Variants in POLR1C observed in about 807,000 individuals in gnomAD.
POLR1C encodes the protein RNA polymerase I and III subunit C.
POLR1C carries 42 observed loss-of-function variants against 38.3 expected under a neutral mutation model. That is an observed-to-expected ratio of 1.10 (90% CI 0.86 to 1.42). The LOEUF (loss-of-function observed/expected upper bound fraction) is 1.42. Ranked by LOEUF, POLR1C falls within the 40% of genes most tolerant of loss-of-function variation. The pLI is 0.00. For missense variants in POLR1C, 507 were observed against 450.5 expected (o/e 1.13, Z -1.14); for synonymous variants, 163 against 163.9 (o/e 0.99, Z 0.04).
intron 10 of POLR1C, chr6:43,551,189 G>A (rs1446542836): frequency 8.4e-7 from 1 of 1,193,060 alleles, no homozygotes; most frequent in African/African-American, 1.6e-5. Context: ...CTAGTAATTT[G>A]AGTCCAGCCT....
chr6:43,524,105 C>G, downstream of POLR1C: 3 of 1,494,152 alleles, frequency 2.0e-6, no homozygotes, highest in Non-Finnish European at 2.7e-6. Context: ...AATCCCAACA[C>G]TTTTGGGAGG....
chr6:43,530,695 G>A, downstream of POLR1C: 2 of 1,613,618 alleles, frequency 1.2e-6, no homozygotes, highest in African/African-American at 1.3e-5. Context: ...TATGAAGCAT[G>A]GGTCTGAGTC....
chr6:43,519,300 A>C, intron 2 of POLR1C, 33 bp from the exon 3 acceptor site: 3 of 1,298,436 alleles, frequency 2.3e-6, no homozygotes, highest in Non-Finnish European at 3.4e-6. Flanking sequence ...CAGAGAGCAG[A>C]TTTCACTTAA....
chr6:43,538,451 A>G (rs755788768), intron 9 of POLR1C, among the ~76,000 whole-genome samples: 5 of 152,072 alleles, frequency 3.3e-5, no homozygotes, highest in Non-Finnish European at 2.9e-5. Context: ...CGCTAAGCCT[A>G]ATTTAGTGAC....
At chr6:43,534,310 CAGG>C (rs1794180577), downstream of POLR1C, among the ~76,000 whole-genome samples, 1 of 152,144 alleles carries the variant, frequency 6.6e-6, no homozygotes, top group Admixed American at 6.5e-5. Flanking sequence ...GAGGTGGTCC[CAGG>C]AGTTTTTTGA....
At chr6:43,545,403 G>C (rs889618739) in intron 9 of POLR1C, among the ~76,000 whole-genome samples, 5 of 151,964 alleles carry the variant, frequency 3.3e-5, no homozygotes, top group Admixed American at 6.6e-5. Flanking sequence ...CTCTAACAAT[G>C]TAATTTAAAC....
chr6:43,525,116 G>T (rs760786709), downstream of POLR1C: 2 of 1,575,186 alleles, frequency 1.3e-6, no homozygotes. Context: ...CTTGTTTGAG[G>T]AGAGGCCAGC....
intron 10 of POLR1C, among the ~76,000 whole-genome samples, chr6:43,557,870 C>T (rs1762186774): frequency 6.7e-6 from 1 of 148,982 alleles, no homozygotes; most frequent in Admixed American, 6.7e-5. Context: ...CTGAGGCGGG[C>T]AGATGACCTG....
intron 9 of POLR1C, among the ~76,000 whole-genome samples, chr6:43,534,960 A>G (rs1226543730): frequency 6.6e-6 from 1 of 151,562 alleles, no homozygotes; most frequent in Non-Finnish European, 1.5e-5. Flanking sequence ...ATACCACTGC[A>G]CTCCAGCCTG....
intron 9 of POLR1C, chr6:43,549,491 G>A: frequency 6.2e-7 from 1 of 1,608,560 alleles, no homozygotes; most frequent in South Asian, 1.1e-5. Context: ...CAGCTTACCA[G>A]CACAAGCTGG....
chr6:43,555,958 C>T, intron 10 of POLR1C: 1 of 1,613,392 alleles, frequency 6.2e-7, no homozygotes, highest in Non-Finnish European at 8.5e-7. Flanking sequence ...TTGTTGTGCT[C>T]GGGAGGCTGC....
chr6:43,561,254 C>T, intron 10 of POLR1C: 1 of 408,128 alleles, frequency 2.5e-6, no homozygotes, highest in Non-Finnish European at 4.4e-6. Flanking sequence ...TGTGGTCAAA[C>T]AGTAAAATAA....
chr6:43,562,189 T>G (rs1006589984), exon 11 of POLR1C: 76 of 1,420,344 alleles, frequency 5.4e-5, no homozygotes, highest in Non-Finnish European at 7.1e-5. Context: ...AAACATAAGT[T>G]TCTAAATGCT....
intron 8 of POLR1C, chr6:43,528,262 A>G (rs1582196392): frequency 1.1e-5 from 16 of 1,514,440 alleles, no homozygotes; most frequent in Non-Finnish European, 1.4e-5. Context: ...GGAACACATA[A>G]TATCTAAAGT....
chr6:43,543,936 C>CA (rs1794839293), intron 9 of POLR1C, among the ~76,000 whole-genome samples: 1 of 152,198 alleles, frequency 6.6e-6, no homozygotes, highest in Non-Finnish European at 1.5e-5. Context: ...CTTGGCCTCT[C>CA]ACAGTGCTGG....
At chr6:43,548,421 G>C (rs1427414359) in intron 9 of POLR1C, 1 of 1,604,434 alleles carries the variant, frequency 6.2e-7, no homozygotes, top group Non-Finnish European at 8.5e-7. Flanking sequence ...TCATTGGAGA[G>C]GAGTTGCTTC....
At chr6:43,531,763 C>T (rs552161066), downstream of POLR1C, among the ~76,000 whole-genome samples, 1 of 152,142 alleles carries the variant, frequency 6.6e-6, no homozygotes, top group East Asian at 1.9e-4. Flanking sequence ...TACTTAAGGA[C>T]CCAGGACTTT....
chr6:43,548,567 T>G, intron 9 of POLR1C: 2 of 1,040,676 alleles, frequency 1.9e-6, no homozygotes, highest in Non-Finnish European at 2.6e-6. Flanking sequence ...CCCAGGAAAG[T>G]CAGGCCTATA....
chr6:43,529,420 G>A, exon 9 of POLR1C: 1 of 351,032 alleles, frequency 2.8e-6, no homozygotes. Context: ...CGGGCATGGG[G>A]GCGAGCGCCT....
Sources: allele counts gnomAD v4.1 joint callset (sites outside exome capture counted in the v4.1 genomes callset), GRCh38; gene constraint gnomAD v4.1.1; transcripts MANE v1.5; gene names NCBI Gene and HGNC (gene_info 2026-07-23, HGNC 2026-07-21).